The following FAM222B variants were observed in gnomAD, a reference collection of about 807,000 sequenced individuals.
FAM222B encodes protein FAM222B.
In FAM222B, 12 loss-of-function variants were observed where a neutral mutation model predicts 38.0. The observed-to-expected ratio is 0.32, with a 90% CI of 0.20 to 0.51. The LOEUF (loss-of-function observed/expected upper bound fraction) is 0.51. Ranked by LOEUF, FAM222B falls within the 20% of genes least tolerant of loss-of-function variation. FAM222B has a pLI of 0.97. For synonymous variants in FAM222B, 329 were observed against 317.2 expected, an observed-to-expected ratio of 1.04 and a Z score of -0.40; for missense variants, 716 against 754.2, an observed-to-expected ratio of 0.95 and a Z score of 0.59.
chr17:28,837,795 G>A (rs987871844), intron 1 of FAM222B, among the ~76,000 whole-genome samples: 1 of 152,012 alleles, frequency 6.6e-6, no homozygotes, highest in Non-Finnish European at 1.5e-5. Flanking sequence ...TGGGATTACA[G>A]GCGGGTGCCA....
intron 1 of FAM222B, among the ~76,000 whole-genome samples, chr17:28,801,184 T>C (rs887065543): frequency 2.8e-5 from 4 of 145,272 alleles, no homozygotes; most frequent in African/African-American, 7.7e-5. Context: ...CCAGGCGCAG[T>C]GGCTCACGCC....
chr17:28,791,675 A>ATTTTT (rs869183871), intron 1 of FAM222B, among the ~76,000 whole-genome samples: 70 of 116,834 alleles, frequency 6.0e-4, no homozygotes, highest in Non-Finnish European at 1.0e-3. Flanking sequence ...GAGCCCAGGA[A>ATTTTT]TTTTTTTTTT....
chr17:28,808,410 A>G (rs992018209), intron 1 of FAM222B, among the ~76,000 whole-genome samples: 2 of 152,216 alleles, frequency 1.3e-5, no homozygotes, highest in Non-Finnish European at 2.9e-5. Context: ...AGGATTCTTA[A>G]AGGACAGTAT....
At position 28,758,457 on chromosome 17, in the gene FAM222B, C is replaced by T; in HGVS notation, c.1502G>A (p.Gly501Asp). The change falls in exon 3 of 3, where the codon GGC becomes GAC. Residue 501 changes from glycine to aspartate, a missense_variant. Coordinates refer to ENST00000581407, the MANE Select transcript of FAM222B (RefSeq NM_001077498.3). ...PGAHYRAGTG[G>D]GPVASQNSLM... ...GCTGTTCTGGCTTGCCACTGGACCG[C>T]CCCCGGTCCCTGCTCGGTAGTGGGC... is the stretch of plus-strand genomic sequence containing the variant. The T allele has an allele frequency of 6.2e-7, 1 of 1,613,448 alleles. No homozygotes were observed. Among genetic ancestry groups the T allele is most frequent in the Non-Finnish European group, 8.5e-7 (1 of 1,179,726 alleles).
At chr17:28,785,700 T>A (rs2036378913) in intron 1 of FAM222B, among the ~76,000 whole-genome samples, 1 of 150,798 alleles carries the variant, frequency 6.6e-6, no homozygotes, top group African/African-American at 2.4e-5. Context: ...CATGCCCGGC[T>A]ATTTTTTTTT....
intron 1 of FAM222B, among the ~76,000 whole-genome samples, chr17:28,782,358 G>T (rs1249208461): frequency 6.6e-6 from 1 of 151,970 alleles, no homozygotes; most frequent in Non-Finnish European, 1.5e-5. Context: ...CTAATTTAGG[G>T]AAATAATCAA....
At chr17:28,778,712 TATA>T (rs2036019301) in intron 1 of FAM222B, among the ~76,000 whole-genome samples, 3 of 87,300 alleles carry the variant, frequency 3.4e-5, no homozygotes, top group African/African-American at 4.6e-5. Context: ...TATATATATA[TATA>T]TATATTTTTT....
chr17:28,768,152 C>T (rs889419381), intron 1 of FAM222B, among the ~76,000 whole-genome samples: 1 of 152,164 alleles, frequency 6.6e-6, no homozygotes, highest in Non-Finnish European at 1.5e-5. Flanking sequence ...AATAAGTACA[C>T]GAACTTCTTT....
At chr17:28,811,680 A>G (rs764643412) in intron 1 of FAM222B, among the ~76,000 whole-genome samples, 10 of 152,212 alleles carry the variant, frequency 6.6e-5, no homozygotes, top group Non-Finnish European at 1.3e-4. Context: ...AGCCGGTGAC[A>G]ATGTACTCCA....
intron 1 of FAM222B, among the ~76,000 whole-genome samples, chr17:28,797,204 T>C (rs2036983796): frequency 6.6e-6 from 1 of 151,936 alleles, no homozygotes; most frequent in African/African-American, 2.4e-5. Context: ...GGTTTTGTTG[T>C]TGGCTGGTCT....
intron 1 of FAM222B, among the ~76,000 whole-genome samples, chr17:28,770,869 A>G (rs1194443796): frequency 2.0e-5 from 3 of 151,990 alleles, no homozygotes; most frequent in Non-Finnish European, 4.4e-5. Flanking sequence ...GTGTTGGGCC[A>G]TATCAGTTTC....
chr17:28,844,383 GGT>G (rs2039125512), upstream of FAM222B, among the ~76,000 whole-genome samples: 1 of 152,248 alleles, frequency 6.6e-6, no homozygotes, highest in Non-Finnish European at 1.5e-5. Context: ...AAATAGGCCA[GGT>G]GCAGTGGCTC....
At chr17:28,838,184 G>A (rs1048262357) in intron 1 of FAM222B, among the ~76,000 whole-genome samples, 1 of 152,148 alleles carries the variant, frequency 6.6e-6, no homozygotes, top group Admixed American at 6.5e-5. Context: ...AGAACTGCTT[G>A]AAGCAGGAGA....
chr17:28,759,082 C>G lies in FAM222B; in HGVS notation c.877G>C (p.Ala293Pro). 1.2e-6 allele frequency: 2 copies of G among 1,611,438 alleles called. No homozygotes were observed. The highest frequency in any genetic ancestry group is 1.7e-6 in the Non-Finnish European group (2 of 1,178,832). The change falls in exon 3 of 3, where the codon GCC (alanine) becomes CCC (proline). Residue 293 changes from alanine to proline, a missense_variant. Physicochemically the swap from Ala to Pro is conservative, Grantham distance 27 (BLOSUM62 -1). Transcript: ENST00000581407. The surrounding 1 kb of genome is among the most constrained non-coding windows in gnomAD (Gnocchi z 4.8). Reference protein sequence around the residue: ...STTSVCEGQIANPSPISRSLL... With the variant: ...STTSVCEGQIPNPSPISRSLL... Reference sequence around the variant, plus strand: ...CTGCGACTAATGGGGCTGGGGTTGGCGATCTGGCCCTCACACACTGAGGTA... The same window carrying G: ...CTGCGACTAATGGGGCTGGGGTTGGGGATCTGGCCCTCACACACTGAGGTA...
At chr17:28,789,200 C>CT (rs796959212) in intron 1 of FAM222B, among the ~76,000 whole-genome samples, 8,315 of 139,654 alleles carry the variant, frequency 0.06, 302 homozygotes, top group Middle Eastern at 0.081. Flanking sequence ...ATTCTGTGTC[C>CT]TTTTTTTTTT....
chr17:28,782,264 G>C lies in FAM222B; in HGVS notation c.-40-15557C>G, dbSNP rs554114433. 3.3e-5 allele frequency among the ~76,000 whole-genome samples: 5 copies of C among 152,326 alleles called. No homozygotes were observed. The East Asian group carries it at 9.6e-4, about 29-fold the overall frequency. ...TTAGGCTCAGGAGCTCGAGGTTGCA[G>C]TGAGTTATGAATGCACCACTGCACT... On this transcript the variant is annotated intron_variant, in intron 1 of 2. Coordinates refer to ENST00000581407, the MANE Select transcript of FAM222B (RefSeq NM_001077498.3).
At chr17:28,843,801 T>C (rs1006430686), upstream of FAM222B, among the ~76,000 whole-genome samples, 11 of 152,196 alleles carry the variant, frequency 7.2e-5, no homozygotes, top group South Asian at 2.1e-4. Context: ...GGGGTAATTA[T>C]GTAAAGGCAG....
Position 28,785,760 on chromosome 17 carries a change from A to ACGCAATCT in FAM222B, c.-40-19061_-40-19054dup, listed in dbSNP as rs892270940. Among the ~76,000 whole-genome samples the ACGCAATCT allele has an allele frequency of 6.0e-5, 9 of 149,100 alleles. No individual in the cohort carries two copies. In the South Asian group the frequency reaches 1.1e-3, roughly 18 times the overall value. ...TTGTAGCCTAGGCTGGAGTGCAATGACGCAATCTCGCAATCTCAGCTTACT... is the reference window on the plus strand; with the variant it reads ...TTGTAGCCTAGGCTGGAGTGCAATGACGCAATCTCGCAATCTCGCAATCTCAGCTTACT... On this transcript the variant is annotated intron_variant, in intron 1 of 2. Coordinates refer to ENST00000581407, the MANE Select transcript of FAM222B (RefSeq NM_001077498.3).
At chr17:28,838,844 T>G (rs1483179390) in intron 1 of FAM222B, among the ~76,000 whole-genome samples, 1 of 151,850 alleles carries the variant, frequency 6.6e-6, no homozygotes, top group Non-Finnish European at 1.5e-5. Flanking sequence ...GAGGCAGACG[T>G]TGCAATCAGC....
Sources: gnomAD v4.1 joint callset for allele counts (sites outside exome capture counted in the v4.1 genomes callset) on GRCh38, gnomAD v4.1.1 for gene constraint, Gnocchi (gnomAD v3.1) non-coding constraint, MANE v1.5 for transcripts, NCBI Gene and HGNC (gene_info 2026-07-23, HGNC 2026-07-21) for gene names.